Variants in MTBP observed in about 807,000 individuals in gnomAD.
MTBP encodes MDM2 binding protein.
A neutral mutation model predicts 117.0 loss-of-function variants in MTBP; 101 were observed. The observed-to-expected ratio is 0.86, with a 90% CI of 0.73 to 1.02. The LOEUF (loss-of-function observed/expected upper bound fraction) is 1.02, where lower values mean the gene tolerates loss of function less well. Ranked by LOEUF, MTBP falls within the 50% of genes least tolerant of loss-of-function variation. The probability of loss-of-function intolerance (pLI) is 0.00; values close to 1 mark genes in which losing one functional copy is unlikely to be tolerated. For synonymous variants in MTBP, 350 were observed against 351.5 expected (o/e 1.00, Z 0.05); for missense variants, 970 against 1,030.9 (o/e 0.94, Z 0.81).
Position 120,453,916 on chromosome 8 carries a change from ATGAC to A in MTBP, c.484+14_484+17del. The A allele has an allele frequency of 6.6e-7, 1 of 1,517,948 alleles. No homozygotes were observed. Among genetic ancestry groups the A allele is most frequent in the South Asian group, 1.2e-5 (1 of 81,634 alleles). The allele number at this position is 1,517,948 out of a possible 1,614,324, so 94.0% of individuals were successfully genotyped here. A position where few individuals can be genotyped will look rare whatever the true frequency, so the allele number is the denominator to read the frequency against. Reference sequence around the variant, plus strand: ...AGCTTCCTGCTCCTGGTAATATTTTATGACTGCTTTCAATAATTTGTATCTTATC... The same window carrying A: ...AGCTTCCTGCTCCTGGTAATATTTTATGCTTTCAATAATTTGTATCTTATC... On this transcript the variant is annotated intron_variant, in intron 5 of 21. Coordinates refer to ENST00000305949, the MANE Select transcript of MTBP (RefSeq NM_022045.5).
chr8:120,506,073 T>G (rs1446704423), intron 15 of MTBP, among the ~76,000 whole-genome samples: 2 of 152,236 alleles, frequency 1.3e-5, no homozygotes, highest in African/African-American at 4.8e-5. Flanking sequence ...ACCTATTCCA[T>G]CTTTTTCAAG....
intron 21 of MTBP, 112 bp downstream of exon 21, chr8:120,522,831 T>A: frequency 1.3e-6 from 1 of 743,990 alleles, no homozygotes; most frequent in Non-Finnish European, 2.1e-6. Flanking sequence ...CTTTTTCAAC[T>A]CTGTCCCTAT....
Position 120,486,299 on chromosome 8 carries a change from T to C in MTBP, c.1166-1860T>C, listed in dbSNP as rs894970144. Among the ~76,000 whole-genome samples the C allele has an allele frequency of 1.2e-4, 18 of 152,118 alleles. 1 individual carries two copies. The highest frequency in any genetic ancestry group is 3.3e-4 in the Admixed American group (5 of 15,268). On this transcript the variant is annotated intron_variant, in intron 11 of 21. Transcript: ENST00000305949. ...CAATCTGAGTCAGATAAAGTCAGTT[T>C]CTTTGGGTAGTGCTTAGGGCCTTCT...
At chr8:120,483,633 T>G (rs1814145165) in intron 11 of MTBP, among the ~76,000 whole-genome samples, 1 of 152,170 alleles carries the variant, frequency 6.6e-6, no homozygotes, top group Non-Finnish European at 1.5e-5. Context: ...GAATTTTTTT[T>G]GCTAATACTA....
At position 120,457,946 on chromosome 8, in the gene MTBP, AAG is replaced by A. The variant is rs755737020; in HGVS notation, c.748-1267_748-1266del. On this transcript the variant is annotated intron_variant, in intron 7 of 21. Coordinates refer to ENST00000305949, the MANE Select transcript of MTBP (RefSeq NM_022045.5). ...GCGTGACAGAGTGAGACTCCGTCTC[AAG>A]AAAAAAAAAAAAAACCCAAAAAAAC... Among the ~76,000 whole-genome samples, 98 of 130,332 alleles carry A rather than the reference AAG, an allele frequency of 7.5e-4. 1 individual carries two copies. The highest frequency in any genetic ancestry group is 2.2e-3 in the African/African-American group (86 of 38,458). 85.5% of individuals were successfully genotyped at this position (130,332 alleles called of 152,430 possible).
chr8:120,494,987 T>C (rs1814420577), intron 13 of MTBP, among the ~76,000 whole-genome samples: 1 of 152,190 alleles, frequency 6.6e-6, no homozygotes, highest in Non-Finnish European at 1.5e-5. Context: ...TGCTCGACTA[T>C]GGACTGATTG....
intron 20 of MTBP, among the ~76,000 whole-genome samples, chr8:120,519,181 G>GAAA (rs35475031): frequency 2.5e-5 from 3 of 118,340 alleles, no homozygotes; most frequent in African/African-American, 9.3e-5. Context: ...AAAATGTTCT[G>GAAA]AAAAAAAAAA....
intron 11 of MTBP, among the ~76,000 whole-genome samples, chr8:120,481,843 C>T (rs765257239): frequency 1.1e-4 from 17 of 152,058 alleles, no homozygotes; most frequent in East Asian, 1.9e-4. Context: ...AAGAATCATT[C>T]GGGTCCTTCA....
intron 13 of MTBP, among the ~76,000 whole-genome samples, chr8:120,494,765 A>G (rs953424928): frequency 6.6e-6 from 1 of 152,114 alleles, no homozygotes; most frequent in Non-Finnish European, 1.5e-5. Flanking sequence ...TGATGATCAG[A>G]TCTCTCTTAT....
At chr8:120,472,357 G>A (rs1320761864) in intron 11 of MTBP, 4 of 152,178 alleles carry the variant, frequency 2.6e-5, no homozygotes, top group Admixed American at 2.0e-4. Flanking sequence ...AGTCAGGGCT[G>A]GAGATCTAGA....
At chr8:120,473,304 C>T (rs1207538801) in intron 11 of MTBP, 2 of 151,966 alleles carry the variant, frequency 1.3e-5, no homozygotes, top group African/African-American at 4.8e-5. Context: ...ATTGTACCTG[C>T]ATGTAAGGTG....
At chr8:120,509,140 T>G (rs1483991889) in intron 16 of MTBP, among the ~76,000 whole-genome samples, 1 of 152,194 alleles carries the variant, frequency 6.6e-6, no homozygotes, top group Non-Finnish European at 1.5e-5. Context: ...TGCCAGTGAC[T>G]ACATTCTCAA....
At chr8:120,512,806 A>T (rs1814840519) in intron 17 of MTBP, among the ~76,000 whole-genome samples, 1 of 152,102 alleles carries the variant, frequency 6.6e-6, no homozygotes. Context: ...ATTCAGAAAC[A>T]TGTTTTTTTC....
chr8:120,467,116 G>A (rs1586945875), intron 10 of MTBP, among the ~76,000 whole-genome samples: 1 of 152,096 alleles, frequency 6.6e-6, no homozygotes, highest in Admixed American at 6.5e-5. Flanking sequence ...CAGAATATAA[G>A]TAAAAACTTC....
chr8:120,512,486 T>C (rs1364314339), intron 17 of MTBP, among the ~76,000 whole-genome samples: 1 of 152,108 alleles, frequency 6.6e-6, no homozygotes, highest in Non-Finnish European at 1.5e-5. Context: ...TCTTGATATA[T>C]ACAAATTTAT....
At chr8:120,490,065 G>A (rs1042741116) in intron 12 of MTBP, among the ~76,000 whole-genome samples, 38 of 152,130 alleles carry the variant, frequency 2.5e-4, no homozygotes, top group Non-Finnish European at 7.4e-5. Context: ...TATCTAGGTT[G>A]GATTCATTGT....
chr8:120,460,816 T>G (rs1356377650), intron 8 of MTBP, among the ~76,000 whole-genome samples: 3 of 152,152 alleles, frequency 2.0e-5, no homozygotes. Context: ...CTAATTTGTT[T>G]CTTCAACACT....
In MTBP at chr8:120,490,476, C is replaced by T; in HGVS notation, c.1353C>T (p.Asp451=). 6.3e-7 allele frequency: 1 copy of T among 1,597,484 alleles called. No individual in the cohort carries two copies. The highest frequency in any genetic ancestry group is 8.5e-7 in the Non-Finnish European group (1 of 1,172,744). The change falls in exon 13 of 22, where the codon GAC becomes GAT. Residue 451 remains aspartate, a synonymous_variant. Coordinates refer to ENST00000305949, the MANE Select transcript of MTBP (RefSeq NM_022045.5). ...TEEAKLSFPF[D]LLSLPHFSGE... ...CTTATTTCTCAGGTTTTCCTTTTGACTTATTATCACTTCCACATTTTTCTG... is the reference window on the plus strand; with the variant it reads ...CTTATTTCTCAGGTTTTCCTTTTGATTTATTATCACTTCCACATTTTTCTG...
intron 12 of MTBP, 120 bp downstream of exon 12, chr8:120,488,452 TTC>T (rs1425257934): frequency 4.4e-6 from 3 of 682,614 alleles, no homozygotes; most frequent in Non-Finnish European, 6.4e-6. Flanking sequence ...CCAAACTCCA[TTC>T]TCTTTCATTA....
Sources: allele counts gnomAD v4.1 joint callset (sites outside exome capture counted in the v4.1 genomes callset), GRCh38; gene constraint gnomAD v4.1.1; transcripts MANE v1.5; gene names NCBI Gene and HGNC (gene_info 2026-07-23, HGNC 2026-07-21).